MROH2A: variants seen among roughly 807,000 people sequenced by gnomAD.
The protein encoded by MROH2A is maestro heat-like repeat-containing protein family member 2A.
Under a neutral mutation model 200.4 loss-of-function variants are expected in MROH2A, and 174 were observed. The observed-to-expected ratio is 0.87, with a 90% CI of 0.77 to 0.98. The LOEUF is 0.98. Ranked by LOEUF, MROH2A falls within the 50% of genes least tolerant of loss-of-function variation. The pLI is 0.00. For synonymous variants in MROH2A, 829 were observed against 840.4 expected (o/e 0.99, Z 0.23); for missense variants, 2,045 against 2,139.6 (o/e 0.96, Z 0.87).
At chr2:233,813,928 T>C in intron 25 of MROH2A, 150 bp downstream of exon 25, 1 of 511,372 alleles carries the variant, frequency 2.0e-6, no homozygotes, top group Non-Finnish European at 3.5e-6. Context: ...TGTAAGGTAA[T>C]GCTAGCTGTT....
chr2:233,801,969 C>G (rs1702501219), intron 14 of MROH2A, among the ~76,000 whole-genome samples, 199 bp from the exon 15 acceptor site: 1 of 152,136 alleles, frequency 6.6e-6, no homozygotes. Context: ...ACTCTCTTGC[C>G]ACATCAGGGT....
chr2:233,785,345 C>T (rs761094269), intron 3 of MROH2A, among the ~76,000 whole-genome samples: 3 of 151,766 alleles, frequency 2.0e-5, no homozygotes, highest in Non-Finnish European at 4.4e-5. Context: ...TGTCTGTAGT[C>T]CCAGCTACTT....
In MROH2A at chr2:233,818,052, G is replaced by T. The variant is rs572417062; in HGVS notation, c.3012G>T (p.Pro1004=). ...QFGTMVGLIA[P]CTCDAHQRTR... The stretch of plus-strand genomic sequence containing the variant: ...GCACAATGGTCGGACTCATTGCCCC[G>T]TGCACCTGTGATGCCCATCAAAGAA... Residue 1004 remains proline (P), a synonymous_variant, in exon 28 of 42, where the codon CCG becomes CCT. Transcript: ENST00000389758. 29 of 1,550,986 alleles carry T rather than the reference G, an allele frequency of 1.9e-5. No homozygotes were observed. In the Middle Eastern group the frequency reaches 2.5e-3, roughly 134 times the overall value.
rs894374061 is a variant in MROH2A at position 233,811,048 on chromosome 2, T to C, written c.2571+132T>C. 3.1e-5 allele frequency: 31 copies of C among 1,008,832 alleles called. No homozygotes were observed. In the African/African-American group the frequency reaches 3.6e-4, roughly 12 times the overall value. The allele number at this position is 1,008,832 out of a possible 1,614,324, so 62.5% of individuals were successfully genotyped here. A position where few individuals can be genotyped will look rare whatever the true frequency, so the allele number is the denominator to read the frequency against. On this transcript the variant is annotated intron_variant, in intron 23 of 41. Transcript: ENST00000389758. ...AGTCCTTCCCTGTCTTGGCTCTGCT[T>C]TGTCCTAACTGTAGGAGTTCTGAGA...
chr2:233,800,544 A>G (rs1391356049), intron 14 of MROH2A, among the ~76,000 whole-genome samples: 1 of 152,116 alleles, frequency 6.6e-6, no homozygotes, highest in African/African-American at 2.4e-5. Flanking sequence ...GCAGTGCACG[A>G]CCTCAGCATG....
At chr2:233,819,563 G>A (rs754023191) in intron 30 of MROH2A, 94 bp downstream of exon 30, 226 of 1,288,322 alleles carry the variant, frequency 1.8e-4, no homozygotes, top group Middle Eastern at 2.6e-4. Flanking sequence ...ACCAGCACTC[G>A]CTGAGAATGC....
Position 233,802,165 on chromosome 2 carries a change from C to G in MROH2A, c.1561-3C>G, listed in dbSNP as rs2126128716. Reference sequence around the variant, plus strand: ...GCCCCTTTCTCTCCCACCCCTACCCCAGGAGTTTTGGGTGAGGCTGCTGTG... The same window carrying G: ...GCCCCTTTCTCTCCCACCCCTACCCGAGGAGTTTTGGGTGAGGCTGCTGTG... On this transcript the variant is annotated splice_region_variant and splice_polypyrimidine_tract_variant and intron_variant, in intron 14 of 41. Coordinates refer to ENST00000389758, the MANE Select transcript of MROH2A (RefSeq NM_001394639.1). The G allele has an allele frequency of 6.5e-7, 1 of 1,548,522 alleles. No individual in the cohort carries two copies. Among genetic ancestry groups the G allele is most frequent in the East Asian group, 2.4e-5 (1 of 40,866 alleles).
intron 3 of MROH2A, 103 bp downstream of exon 3, chr2:233,779,955 A>G (rs986947724): frequency 3.1e-5 from 31 of 994,686 alleles, no homozygotes; most frequent in Non-Finnish European, 4.6e-5. Context: ...GATGTGTGGT[A>G]CTGGGATACA....
At chr2:233,821,600 C>T (rs1189500156) in intron 31 of MROH2A, among the ~76,000 whole-genome samples, 2 of 152,242 alleles carry the variant, frequency 1.3e-5, no homozygotes, top group African/African-American at 4.8e-5. Context: ...CATCCCTTCT[C>T]AGCAGGGCCA....
intron 15 of MROH2A, among the ~76,000 whole-genome samples, chr2:233,802,980 A>G (rs1478702498): frequency 6.6e-6 from 1 of 152,170 alleles, no homozygotes; most frequent in Non-Finnish European, 1.5e-5. Context: ...GGTCCCCTGC[A>G]CTGGCATCTT....
intron 3 of MROH2A, among the ~76,000 whole-genome samples, chr2:233,787,702 T>C (rs1273359957): frequency 1.1e-4 from 4 of 35,578 alleles, no homozygotes; most frequent in African/African-American, 3.1e-4. Context: ...ATATATATCA[T>C]ATAAACATAT....
In MROH2A at chr2:233,802,263, C is replaced by G. The variant is rs772734158; in HGVS notation, c.1656C>G (p.His552Gln). The G allele has an allele frequency of 6.4e-7, 1 of 1,550,558 alleles. No individual in the cohort carries two copies. The highest frequency in any genetic ancestry group is 1.4e-5 in the African/African-American group (1 of 73,110). Residue 552 changes from histidine (H) to glutamine (Q), a missense_variant, in exon 15 of 42, where the codon CAC (histidine) becomes CAG (glutamine). Coordinates refer to ENST00000389758, the MANE Select transcript of MROH2A (RefSeq NM_001394639.1). The part of the protein sequence containing the change: ...ICISLTNLAE[H>Q]QLHGQDVDVS... ...TCAGCCTCACAAACCTGGCAGAACA[C>G]CAGCTCCATGGCCAGGATGTGGATG...
At position 233,822,692 on chromosome 2, in the gene MROH2A, C is replaced by T. The variant is rs747741869; in HGVS notation, c.3866+136C>T. 732 of 1,147,958 alleles carry T rather than the reference C, an allele frequency of 6.4e-4. 5 individuals carry two copies. The highest frequency in any genetic ancestry group is 3.1e-4 in the Non-Finnish European group (249 of 813,922). 71.1% of individuals were successfully genotyped at this position (1,147,958 alleles called of 1,614,324 possible). A position where few individuals can be genotyped will look rare whatever the true frequency, so the allele number is the denominator to read the frequency against. ...TGGGATCTGATCTTACTCAAAATGC[C>T]GTTCTCATGTGTGTCAAGCACGGTG... is the stretch of plus-strand genomic sequence containing the variant. On this transcript the variant is annotated intron_variant, in intron 33 of 41. Coordinates refer to ENST00000389758, the MANE Select transcript of MROH2A (RefSeq NM_001394639.1).
Position 233,796,123 on chromosome 2 carries a change from CGCTGGGCCTGGGACTGCCTT to C in MROH2A, c.1139-66_1139-47del, listed in dbSNP as rs1458941644. The stretch of plus-strand genomic sequence containing the variant: ...CTGTAGGAGTCCCGGCCCCTCTGAG[CGCTGGGCCTGGGACTGCCTT>C]GCTGGGCCTGCTCTGGACCCGGTGA... On this transcript the variant is annotated intron_variant, in intron 10 of 41. Coordinates refer to ENST00000389758, the MANE Select transcript of MROH2A (RefSeq NM_001394639.1). The C allele has an allele frequency of 2.1e-5, 31 of 1,510,302 alleles. 3 individuals are homozygous for C. The Admixed American group carries it at 2.4e-4, about 12-fold the overall frequency. The allele number at this position is 1,510,302 out of a possible 1,614,324, so 93.6% of individuals were successfully genotyped here.
At chr2:233,790,121 T>C (rs894648927) in intron 5 of MROH2A, 107 bp downstream of exon 5, 3 of 1,074,910 alleles carry the variant, frequency 2.8e-6, no homozygotes, top group Admixed American at 5.9e-5. Flanking sequence ...TTACCTTTCA[T>C]TTCTCTCTTT....
In MROH2A at chr2:233,803,453, C is replaced by A. The variant is rs1702596153; in HGVS notation, c.1714C>A (p.Leu572Met). The A allele has an allele frequency of 1.3e-6, 2 of 1,550,390 alleles. No homozygotes were observed. The highest frequency in any genetic ancestry group is 1.7e-4 in the Middle Eastern group (1 of 5,994). Residue 572 changes from leucine to methionine, a missense_variant, in exon 16 of 42, where the codon CTG becomes ATG. This residue lies in a region of MROH2A where 831 missense variants were observed against 800.0 expected (regional missense o/e 1.04). Transcript: ENST00000389758. ...GTTGCATTTCCTTCAATCAGTGGACCTGCCTGCACCTCAGAAGCTGCTGGC... is the reference window on the plus strand; with the variant it reads ...GTTGCATTTCCTTCAATCAGTGGACATGCCTGCACCTCAGAAGCTGCTGGC... ...SVAGKSRQVD[L>M]PAPQKLLARL... is the part of the protein sequence containing the mutation.
In MROH2A at chr2:233,787,594, T is replaced by TC. The variant is rs1559435587; in HGVS notation, c.277-1903_277-1902insC. 4.8e-3 allele frequency among the ~76,000 whole-genome samples: 179 copies of TC among 37,282 alleles called. 17 individuals are homozygous for TC. Among genetic ancestry groups the TC allele is most frequent in the African/African-American group, 0.014 (87 of 6,140 alleles). 24.5% of individuals were successfully genotyped at this position (37,282 alleles called of 152,430 possible). A position where few individuals can be genotyped will look rare whatever the true frequency, so the allele number is the denominator to read the frequency against. On this transcript the variant is annotated intron_variant, in intron 3 of 41. Coordinates refer to ENST00000389758, the MANE Select transcript of MROH2A (RefSeq NM_001394639.1). ...TATATATATCATATATACATATATA[T>TC]ATTATATATTATATATATCATATAT...
intron 22 of MROH2A, 29 bp downstream of exon 22, chr2:233,809,307 TCTTCTGGACCAGGCTGGTGGGTAGTAGC>T (rs1559465328): frequency 6.5e-7 from 1 of 1,544,890 alleles, no homozygotes. Context: ...TGGGGGGATG[TCTTCTGGACCAGGCTGGTGGGTAGTAGC>T]CTTCTGGCAC....
At chr2:233,785,038 C>T (rs556007689) in intron 3 of MROH2A, among the ~76,000 whole-genome samples, 106 of 151,926 alleles carry the variant, frequency 7.0e-4, no homozygotes, top group African/African-American at 2.4e-3. Context: ...CCCAGCTACC[C>T]GGGAGGCTGA....
Sources: allele counts gnomAD v4.1 joint callset (sites outside exome capture counted in the v4.1 genomes callset), GRCh38; gene constraint gnomAD v4.1.1; regional missense constraint gnomAD v4.1.1; transcripts MANE v1.5; gene names NCBI Gene and HGNC (gene_info 2026-07-23, HGNC 2026-07-21).